Variants in RTL4 observed in about 807,000 individuals in gnomAD.
RTL4 encodes retrotransposon Gag-like protein 4.
Under a neutral mutation model 5.3 loss-of-function variants are expected in RTL4, and 4 were observed. The ratio of observed to expected loss-of-function variants is 0.75; its 90% CI spans 0.37 to 1.72. The LOEUF (loss-of-function observed/expected upper bound fraction) is 1.72. Among genes scored for constraint, RTL4 ranks in the 40% most tolerant of loss-of-function variants. The probability of loss-of-function intolerance (pLI) is 0.04; values close to 1 mark genes in which losing one functional copy is unlikely to be tolerated. For missense variants in RTL4, 260 were observed against 227.1 expected (o/e 1.14, Z -0.93); for synonymous variants, 98 against 87.3 (o/e 1.12, Z -0.68).
chrX:112,118,252 G>A, the RTL4 span, among the ~76,000 whole-genome samples: 3 of 112,233 alleles, frequency 2.7e-5, no homozygotes, highest in Non-Finnish European at 5.6e-5. Context: ...CAGACAAGAT[G>A]TTGATCTGTT....
the RTL4 span, among the ~76,000 whole-genome samples, chrX:112,411,975 C>T: frequency 4.6e-3 from 514 of 110,964 alleles, 2 homozygotes; most frequent in African/African-American, 0.015. Context: ...CACCAAGAAA[C>T]TATTAGAATT....
At chrX:112,117,972 G>A in the RTL4 span, among the ~76,000 whole-genome samples, 1 of 111,157 alleles carries the variant, frequency 9.0e-6, no homozygotes, top group African/African-American at 3.3e-5. Flanking sequence ...GCAAATTATG[G>A]TATAACTTTA....
chrX:112,409,459 G>A, the RTL4 span, among the ~76,000 whole-genome samples: 5 of 111,340 alleles, frequency 4.5e-5, no homozygotes, highest in East Asian at 8.5e-4. Flanking sequence ...AGTGGCTCAC[G>A]CGTGTAATCC....
chrX:112,182,406 C>A, the RTL4 span, among the ~76,000 whole-genome samples: 1 of 111,677 alleles, frequency 9.0e-6, no homozygotes, highest in African/African-American at 3.3e-5. Flanking sequence ...GGAGCATGTT[C>A]TAACCCAATG....
chrX:112,107,994 G>A, the RTL4 span, among the ~76,000 whole-genome samples: 32 of 110,083 alleles, frequency 2.9e-4, no homozygotes, highest in Non-Finnish European at 5.7e-4. Context: ...TCTTCCTTCC[G>A]TTTTTTTCTT....
the RTL4 span, among the ~76,000 whole-genome samples, chrX:112,447,048 A>G: frequency 3.6e-5 from 4 of 111,840 alleles, no homozygotes; most frequent in Non-Finnish European, 7.5e-5. Context: ...CCCATATTTA[A>G]ATATTTCCAT....
chrX:112,092,774 T>C, the RTL4 span, among the ~76,000 whole-genome samples: 1 of 111,041 alleles, frequency 9.0e-6, no homozygotes, highest in African/African-American at 3.3e-5. Flanking sequence ...GGAGTTTCTC[T>C]GCACAAGCTC....
At chrX:112,403,159 G>T in the RTL4 span, among the ~76,000 whole-genome samples, 1 of 111,139 alleles carries the variant, frequency 9.0e-6, no homozygotes, top group Non-Finnish European at 1.9e-5. Context: ...TGCAACCATT[G>T]CCCGTTTCCC....
chrX:112,169,978 G>C, the RTL4 span, among the ~76,000 whole-genome samples: 1 of 112,102 alleles, frequency 8.9e-6, no homozygotes, highest in Admixed American at 9.4e-5. Flanking sequence ...TCTGCATATG[G>C]CTAGCCAGTT....
At chrX:112,325,729 G>A in the RTL4 span, among the ~76,000 whole-genome samples, 104 of 112,242 alleles carry the variant, frequency 9.3e-4, 2 homozygotes, top group East Asian at 0.022. Flanking sequence ...ACCATTCAGG[G>A]CATATGCATG....
At chrX:112,418,004 C>A in the RTL4 span, among the ~76,000 whole-genome samples, 2 of 110,219 alleles carry the variant, frequency 1.8e-5, no homozygotes, top group Admixed American at 1.9e-4. Flanking sequence ...AAAAATTAGC[C>A]GGGCGTGGTG....
At chrX:112,168,918 ATTCT>A in the RTL4 span, among the ~76,000 whole-genome samples, 4 of 94,103 alleles carry the variant, frequency 4.3e-5, no homozygotes, top group East Asian at 3.5e-4. Context: ...TTTGCCTTTA[ATTCT>A]TTCTTTCTTT....
At chrX:112,277,816 G>T in the RTL4 span, among the ~76,000 whole-genome samples, 107 of 111,971 alleles carry the variant, frequency 9.6e-4, no homozygotes, top group Non-Finnish European at 1.1e-3. Flanking sequence ...ACAGCTGACA[G>T]CTTGAATATC....
At chrX:112,213,000 G>A in the RTL4 span, among the ~76,000 whole-genome samples, 3 of 112,063 alleles carry the variant, frequency 2.7e-5, no homozygotes, top group Admixed American at 1.9e-4. Flanking sequence ...ATATACTTGC[G>A]TGTTATGGGA....
the RTL4 span, among the ~76,000 whole-genome samples, chrX:112,441,156 G>T: frequency 2.7e-5 from 3 of 111,188 alleles, no homozygotes; most frequent in Non-Finnish European, 5.7e-5. Context: ...TCCAATCTCT[G>T]TTTGAATACC....
At chrX:112,431,953 T>A in the RTL4 span, among the ~76,000 whole-genome samples, 1 of 98,595 alleles carries the variant, frequency 1.0e-5, no homozygotes, top group Non-Finnish European at 2.0e-5. Flanking sequence ...ATTGTTCAAT[T>A]CCCACCTATG....
the RTL4 span, among the ~76,000 whole-genome samples, chrX:112,336,306 A>C: frequency 1.8e-5 from 2 of 111,693 alleles, no homozygotes; most frequent in Non-Finnish European, 3.8e-5. Flanking sequence ...TTACCTGAGA[A>C]AGGCATATAT....
the RTL4 span, among the ~76,000 whole-genome samples, chrX:112,279,914 G>A: frequency 9.0e-6 from 1 of 111,437 alleles, no homozygotes; most frequent in Non-Finnish European, 1.9e-5. Context: ...TTAATTGCAG[G>A]GAAAATAAGA....
At chrX:112,445,208 A>C in the RTL4 span, among the ~76,000 whole-genome samples, 1 of 111,940 alleles carries the variant, frequency 8.9e-6, no homozygotes, top group East Asian at 2.8e-4. Context: ...CTTGTCACCT[A>C]CAAATTGTCT....
Sources: allele counts gnomAD v4.1 joint callset (sites outside exome capture counted in the v4.1 genomes callset), GRCh38; gene constraint gnomAD v4.1.1; transcripts MANE v1.5; gene names NCBI Gene and HGNC (gene_info 2026-07-23, HGNC 2026-07-21).